The following DZIP3 variants were observed in gnomAD, a reference collection of about 807,000 sequenced individuals.
DZIP3 encodes the protein DAZ interacting zinc finger protein 3.
Under a neutral mutation model 162.0 loss-of-function variants are expected in DZIP3, and 118 were observed. The ratio of observed to expected loss-of-function variants is 0.73; its 90% confidence interval spans 0.63 to 0.85. The LOEUF is 0.85. DZIP3 is among the 40% of genes least tolerant of loss of function. DZIP3 has a pLI of 0.00. For missense variants in DZIP3, 1,331 were observed against 1,407.0 expected (o/e 0.95, Z 0.86); for synonymous variants, 438 against 458.6 (o/e 0.96, Z 0.57).
intron 15 of DZIP3, among the ~76,000 whole-genome samples, chr3:108,647,020 G>A (rs1051528770): frequency 1.3e-5 from 2 of 152,082 alleles, no homozygotes; most frequent in Non-Finnish European, 2.9e-5. Flanking sequence ...CAGCCTGGGC[G>A]ACAGAGCGAG....
intron 23 of DZIP3, among the ~76,000 whole-genome samples, chr3:108,673,566 T>C (rs985858247): frequency 6.6e-6 from 1 of 151,922 alleles, no homozygotes; most frequent in East Asian, 1.9e-4. Flanking sequence ...CAAGTAGTGA[T>C]ATGGAAAGGA....
intron 7 of DZIP3, among the ~76,000 whole-genome samples, chr3:108,626,899 G>A (rs1205394469): frequency 3.9e-5 from 6 of 152,226 alleles, no homozygotes; most frequent in African/African-American, 1.2e-4. Context: ...AAGTTTGCTT[G>A]GGCAAACTCT....
chr3:108,677,383 A>C, intron 25 of DZIP3, 114 bp from the exon 26 acceptor site: 1 of 722,200 alleles, frequency 1.4e-6, no homozygotes. Context: ...TATTTCTGAC[A>C]GGTTGGCAAC....
rs753757454 is a variant in DZIP3, at chr3:108,644,548, G to A, written c.1526G>A (p.Arg509Lys). ...GACATCCTGAGACTGTGCAAATACAGGGATATCCTCCTTAGTGAGATTTTG... is the reference window on the plus strand; with the variant it reads ...GACATCCTGAGACTGTGCAAATACAAGGATATCCTCCTTAGTGAGATTTTG... ...SADILRLCKY[R>K]DILLSEILMN... is the part of the protein sequence containing the mutation. Residue 509 changes from arginine to lysine, a missense_variant, in exon 14 of 33, where the codon AGG becomes AAG. This residue lies in a region of DZIP3 where 1,278 missense variants were observed against 1,317.1 expected (regional missense o/e 0.97). Coordinates refer to ENST00000361582, the MANE Select transcript of DZIP3 (RefSeq NM_014648.4). 1.4e-5 allele frequency: 22 copies of A among 1,614,108 alleles called. No homozygotes were observed. In the East Asian group the frequency reaches 2.0e-4, roughly 15 times the overall value.
In DZIP3 at chr3:108,680,385, A is replaced by G. The variant is rs1212900190; in HGVS notation, c.2883+2787A>G. ...TTTTTGTAGACAAATGATCTTATAT[A>G]TAGAAAATCGCAAAGACTCCACTTA... On this transcript the variant is annotated intron_variant, in intron 26 of 32. Transcript: ENST00000361582. Among the ~76,000 whole-genome samples, 3 of 152,226 alleles carry G rather than the reference A, an allele frequency of 2.0e-5. No individual in the cohort carries two copies. In the South Asian group the frequency reaches 6.2e-4, roughly 32 times the overall value.
At chr3:108,676,717 C>G (rs1205220138) in intron 25 of DZIP3, among the ~76,000 whole-genome samples, 1 of 152,012 alleles carries the variant, frequency 6.6e-6, no homozygotes, top group African/African-American at 2.4e-5. Flanking sequence ...CTTTCTTACT[C>G]AGTCTTTAGT....
intron 9 of DZIP3, among the ~76,000 whole-genome samples, chr3:108,634,569 G>C (rs1204951651): frequency 1.3e-5 from 2 of 152,038 alleles, no homozygotes; most frequent in Non-Finnish European, 2.9e-5. Flanking sequence ...TGGGTAGGTA[G>C]CATGTTCCTC....
At chr3:108,597,166 C>T (rs1939756378) in intron 1 of DZIP3, among the ~76,000 whole-genome samples, 1 of 152,184 alleles carries the variant, frequency 6.6e-6, no homozygotes, top group Non-Finnish European at 1.5e-5. Context: ...TGTTTTCTTT[C>T]ACAAGTATCA....
chr3:108,654,630 A>C (rs889386620), intron 19 of DZIP3, among the ~76,000 whole-genome samples: 1 of 152,174 alleles, frequency 6.6e-6, no homozygotes, highest in African/African-American at 2.4e-5. Flanking sequence ...GCATAATCCT[A>C]CTAGATTACA....
chr3:108,598,290 AT>A (rs1939811427), intron 1 of DZIP3, among the ~76,000 whole-genome samples: 1 of 152,204 alleles, frequency 6.6e-6, no homozygotes, highest in East Asian at 1.9e-4. Flanking sequence ...TTTATTAGCT[AT>A]GAGACTCTAT....
intron 7 of DZIP3, among the ~76,000 whole-genome samples, chr3:108,627,993 C>T (rs1271829376): frequency 6.6e-6 from 1 of 152,204 alleles, no homozygotes; most frequent in Non-Finnish European, 1.5e-5. Flanking sequence ...ATTCTCCTGC[C>T]TCTGCCTCCC....
At chr3:108,635,791 G>C (rs1942123189) in intron 10 of DZIP3, among the ~76,000 whole-genome samples, 2 of 151,418 alleles carry the variant, frequency 1.3e-5, no homozygotes, top group Non-Finnish European at 3.0e-5. Context: ...TTAGTGAGCT[G>C]ATGACTGTAA....
chr3:108,636,011 G>A (rs1942131749), intron 10 of DZIP3, among the ~76,000 whole-genome samples: 1 of 151,826 alleles, frequency 6.6e-6, no homozygotes, highest in African/African-American at 2.4e-5. Context: ...CTGAAGTAAG[G>A]ATAAGATAAA....
intron 8 of DZIP3, among the ~76,000 whole-genome samples, chr3:108,631,051 A>ACCCTCTCTCTCTCTCTCT (rs1431834911): frequency 2.4e-5 from 1 of 42,030 alleles, no homozygotes; most frequent in Non-Finnish European, 4.2e-5. Context: ...ACACACACAC[A>ACCCTCTCTCTCTCTCTCT]CACACTCTCT....
chr3:108,644,013 A>G, intron 13 of DZIP3, 151 bp from the exon 14 acceptor site: 1 of 886,148 alleles, frequency 1.1e-6, no homozygotes, highest in Non-Finnish European at 1.6e-6. Flanking sequence ...GCAGCATGCT[A>G]ATTGAGCACT....
At chr3:108,589,676 C>G (rs917221526), upstream of DZIP3, 36 of 263,238 alleles carry the variant, frequency 1.4e-4, no homozygotes, top group Admixed American at 1.8e-3. Flanking sequence ...CGAGAAATCT[C>G]GCGATTTCTC....
intron 7 of DZIP3, among the ~76,000 whole-genome samples, chr3:108,626,794 GAATA>G (rs1019752600): frequency 6.6e-6 from 1 of 152,216 alleles, no homozygotes; most frequent in Non-Finnish European, 1.5e-5. Flanking sequence ...AAACTAGAGT[GAATA>G]ACTAAAGTGT....
intron 3 of DZIP3, among the ~76,000 whole-genome samples, chr3:108,610,209 A>T (rs1559723959): frequency 6.6e-6 from 1 of 152,194 alleles, no homozygotes; most frequent in Admixed American, 6.5e-5. Context: ...ATAGATGGGG[A>T]TGGAGGAATC....
At chr3:108,684,924 A>G (rs774794472) in intron 27 of DZIP3, among the ~76,000 whole-genome samples, 5 of 152,210 alleles carry the variant, frequency 3.3e-5, no homozygotes, top group Non-Finnish European at 7.4e-5. Flanking sequence ...TATCAGTTGT[A>G]ATCTTGGTGA....
Sources: allele counts gnomAD v4.1 joint callset (sites outside exome capture counted in the v4.1 genomes callset), GRCh38; gene constraint gnomAD v4.1.1; regional missense constraint gnomAD v4.1.1; transcripts MANE v1.5; gene names NCBI Gene and HGNC (gene_info 2026-07-23, HGNC 2026-07-21).